The following SLC2A10 variants were observed in gnomAD, a reference collection of about 807,000 sequenced individuals.
SLC2A10 encodes the protein solute carrier family 2 member 10.
A neutral mutation model predicts 32.1 loss-of-function variants in SLC2A10; 25 were observed. The observed-to-expected ratio is 0.78, with a 90% confidence interval of 0.57 to 1.09. The LOEUF is 1.09. SLC2A10 is among the 50% of genes least tolerant of loss of function. SLC2A10 has a pLI of 0.00. For missense variants in SLC2A10, 673 were observed against 686.5 expected, an observed-to-expected ratio of 0.98 and a Z score of 0.22; for synonymous variants, 332 against 309.6, an observed-to-expected ratio of 1.07 and a Z score of -0.76.
chr20:46,711,582 A>G (rs1276781362), intron 1 of SLC2A10, among the ~76,000 whole-genome samples: 1 of 152,180 alleles, frequency 6.6e-6, no homozygotes, highest in East Asian at 1.9e-4. Context: ...TATTCCTGCT[A>G]AATCAACCCA....
At position 46,725,615 on chromosome 20, in the gene SLC2A10, A is replaced by G; in HGVS notation, c.579A>G (p.Ala193=). 6.2e-7 allele frequency: 1 copy of G among 1,614,126 alleles called. No homozygotes were observed. The highest frequency in any genetic ancestry group is 8.5e-7 in the Non-Finnish European group (1 of 1,180,008). The change falls in exon 2 of 5, where the codon GCA becomes GCG. Residue 193 remains alanine, a synonymous_variant. Coordinates refer to ENST00000359271, the MANE Select transcript of SLC2A10 (RefSeq NM_030777.4). ...TCCCTGCTGGTACAGATGAGACTGC[A>G]ACACACAAGGACCTCATCCCACTCC... is the stretch of plus-strand genomic sequence containing the variant. The part of the protein sequence containing the change: ...LFLPAGTDET[A]THKDLIPLQG...
In SLC2A10 at chr20:46,725,918, A is replaced by T; in HGVS notation, c.882A>T (p.Ala294=). The change falls in exon 2 of 5, where the codon GCA becomes GCT. Residue 294 remains alanine (A), a synonymous_variant. Transcript: ENST00000359271. ...TLTAMGLVDR[A]GRRALLLAGC... Reference sequence around the variant, plus strand: ...CCGCCATGGGGCTGGTGGACCGTGCAGGCCGCAGGGCTCTGTTGCTAGCTG... The same window carrying T: ...CCGCCATGGGGCTGGTGGACCGTGCTGGCCGCAGGGCTCTGTTGCTAGCTG... 3.7e-6 allele frequency: 6 copies of T among 1,614,054 alleles called. No homozygotes were observed. Among genetic ancestry groups the T allele is most frequent in the Non-Finnish European group, 5.1e-6 (6 of 1,180,022 alleles).
chr20:46,726,927 G>A lies in SLC2A10; in HGVS notation c.1352G>A (p.Cys451Tyr), dbSNP rs1980002809. ...ATACGAGGAAGAGCCTTCGCCTTCTGCAACAGCTTCAACTGGGCGGCCAAC... is the reference window on the plus strand; with the variant it reads ...ATACGAGGAAGAGCCTTCGCCTTCTACAACAGCTTCAACTGGGCGGCCAAC... ...VEIRGRAFAF[C>Y]NSFNWAANLF... Residue 451 changes from cysteine to tyrosine, a missense_variant, in exon 3 of 5, where the codon TGC becomes TAC. Coordinates refer to ENST00000359271, the MANE Select transcript of SLC2A10 (RefSeq NM_030777.4). The A allele has an allele frequency of 6.2e-7, 1 of 1,614,050 alleles. No individual in the cohort carries two copies. The highest frequency in any genetic ancestry group is 1.3e-5 in the African/African-American group (1 of 74,908).
chr20:46,712,370 A>G (rs2425898), intron 1 of SLC2A10, among the ~76,000 whole-genome samples: 90,094 of 151,920 alleles, frequency 0.59, 28,024 homozygotes, highest in East Asian at 0.99. Context: ...CGGGAGGCCT[A>G]GGACTTGCAG....
Position 46,725,209 on chromosome 20 carries a change from C to T in SLC2A10, c.173C>T (p.Ala58Val), listed in dbSNP as rs141310869. ...EFLVGSLLLG[A>V]LLASLVGGFL... ...CTGGTGGGCAGCCTGCTCCTGGGGG[C>T]TCTCCTCGCCTCCCTGGTTGGTGGC... The change falls in exon 2 of 5, where the codon GCT becomes GTT. Residue 58 changes from alanine to valine, a missense_variant. Transcript: ENST00000359271. The T allele has an allele frequency of 1.4e-5, 23 of 1,614,000 alleles. No homozygotes were observed. Among genetic ancestry groups the T allele is most frequent in the Non-Finnish European group, 1.9e-5 (23 of 1,180,004 alleles).
intron 3 of SLC2A10, among the ~76,000 whole-genome samples, 172 bp from the exon 4 acceptor site, chr20:46,729,181 G>A (rs756701762): frequency 3.9e-5 from 6 of 152,188 alleles, no homozygotes; most frequent in Non-Finnish European, 7.3e-5. Context: ...CGAGATTTCC[G>A]CTTTAAGGTA....
chr20:46,733,958 G>T lies in SLC2A10; in HGVS notation c.*124G>T, dbSNP rs532980823. 4 of 894,464 alleles carry T rather than the reference G, an allele frequency of 4.5e-6. No homozygotes were observed. The highest frequency in any genetic ancestry group is 5.2e-5 in the East Asian group (2 of 38,104). The allele number at this position is 894,464 out of a possible 1,614,324, so 55.4% of individuals were successfully genotyped here. A position where few individuals can be genotyped will look rare whatever the true frequency, so the allele number is the denominator to read the frequency against. Reference sequence around the variant, plus strand: ...TTGGGAGTGGCCCCTGCCCCCAAAGGTGGTCTGCTTTTGCTGGGGTAAAAA... The same window carrying T: ...TTGGGAGTGGCCCCTGCCCCCAAAGTTGGTCTGCTTTTGCTGGGGTAAAAA... On this transcript the variant is annotated 3_prime_UTR_variant, in exon 5 of 5. Coordinates refer to ENST00000359271, the MANE Select transcript of SLC2A10 (RefSeq NM_030777.4).
intron 4 of SLC2A10, among the ~76,000 whole-genome samples, chr20:46,731,011 C>A (rs1980267560): frequency 6.6e-6 from 1 of 152,232 alleles, no homozygotes; most frequent in Non-Finnish European, 1.5e-5. Context: ...CCTCCCCACC[C>A]CAGAATGTTC....
In SLC2A10 at chr20:46,734,831, T is replaced by C. The variant is rs1001138327; in HGVS notation, c.*997T>C. On this transcript the variant is annotated 3_prime_UTR_variant, in exon 5 of 5. Transcript: ENST00000359271. ...GTCTCCAGGATGGTGCAGGATGGCTTTGCGGAAAGGAGATGGGTTTGGAGG... is the reference window on the plus strand; with the variant it reads ...GTCTCCAGGATGGTGCAGGATGGCTCTGCGGAAAGGAGATGGGTTTGGAGG... 1.6e-4 allele frequency: 25 copies of C among 152,788 alleles called. No individual in the cohort carries two copies. The highest frequency in any genetic ancestry group is 5.8e-4 in the African/African-American group (24 of 41,574). 9.5% of individuals were successfully genotyped at this position (152,788 alleles called of 1,614,324 possible).
At chr20:46,711,570 C>T (rs113916699) in intron 1 of SLC2A10, among the ~76,000 whole-genome samples, 80 of 152,334 alleles carry the variant, frequency 5.3e-4, no homozygotes, top group African/African-American at 1.8e-3. Context: ...TCCTGCACCT[C>T]CTATTCCTGC....
chr20:46,720,959 C>A (rs1002978650), intron 1 of SLC2A10, among the ~76,000 whole-genome samples: 1 of 152,134 alleles, frequency 6.6e-6, no homozygotes, highest in African/African-American at 2.4e-5. Context: ...TGAATGGGCT[C>A]AGCTGGGTGG....
chr20:46,720,324 A>AC (rs1336992945), intron 1 of SLC2A10, among the ~76,000 whole-genome samples: 3 of 152,220 alleles, frequency 2.0e-5, no homozygotes, highest in Non-Finnish European at 4.4e-5. Flanking sequence ...ATCTACCAAA[A>AC]ACAAAACAAA....
In SLC2A10 at chr20:46,720,102, G is replaced by A. The variant is rs59122240; in HGVS notation, c.5-4939G>A. Among the ~76,000 whole-genome samples, 1,221 of 152,302 alleles carry A rather than the reference G, an allele frequency of 8.0e-3. 19 individuals are homozygous for A. Among genetic ancestry groups the A allele is most frequent in the African/African-American group, 0.028 (1,157 of 41,556 alleles). On this transcript the variant is annotated intron_variant, in intron 1 of 4. Transcript: ENST00000359271. ...CTGGCTCTGAAAGCAAACAAGGTGG[G>A]TATTATTGTCCCCATTTTACACATG...
At chr20:46,719,436 C>T (rs1157251043) in intron 1 of SLC2A10, among the ~76,000 whole-genome samples, 1 of 152,128 alleles carries the variant, frequency 6.6e-6, no homozygotes, top group Non-Finnish European at 1.5e-5. Context: ...CTCACAGTTC[C>T]ATGTGTCTGG....
rs1174420108 is a variant in SLC2A10 at position 46,719,057 on chromosome 20, C to T, written c.5-5984C>T. Among the ~76,000 whole-genome samples the T allele has an allele frequency of 2.0e-5, 3 of 152,358 alleles. No homozygotes were observed. In the East Asian group the frequency reaches 5.8e-4, roughly 29 times the overall value. On this transcript the variant is annotated intron_variant, in intron 1 of 4. Transcript: ENST00000359271. Reference sequence around the variant, plus strand: ...TTGGCCTCCCAAAGCGATGAGATTACAGGCATGAGCTACCACATTCGGCTT... The same window carrying T: ...TTGGCCTCCCAAAGCGATGAGATTATAGGCATGAGCTACCACATTCGGCTT...
chr20:46,720,291 A>C (rs2123025919), intron 1 of SLC2A10, among the ~76,000 whole-genome samples: 2 of 152,368 alleles, frequency 1.3e-5, no homozygotes, highest in South Asian at 4.1e-4. Flanking sequence ...GAAGGGGAAA[A>C]GAAGCAAATG....
chr20:46,729,654 T>G (rs1980184190), intron 4 of SLC2A10, among the ~76,000 whole-genome samples, 166 bp downstream of exon 4: 2 of 119,256 alleles, frequency 1.7e-5, no homozygotes, highest in South Asian at 5.8e-4. Flanking sequence ...TTTTTTTTTT[T>G]TTTTTGAGAT....
At chr20:46,727,007 T>C (rs887425926) in intron 3 of SLC2A10, 21 bp downstream of exon 3, 2 of 1,613,988 alleles carry the variant, frequency 1.2e-6, no homozygotes, top group African/African-American at 2.7e-5. Context: ...CCCAGACAAG[T>C]CCGTTTTTTT....
At chr20:46,723,257 G>T (rs1050947228) in intron 1 of SLC2A10, among the ~76,000 whole-genome samples, 3 of 152,036 alleles carry the variant, frequency 2.0e-5, no homozygotes, top group Non-Finnish European at 4.4e-5. Flanking sequence ...TGCATTCCAG[G>T]CAAGAGGTAA....
Sources: gnomAD v4.1 joint callset for allele counts (sites outside exome capture counted in the v4.1 genomes callset) on GRCh38, gnomAD v4.1.1 for gene constraint, MANE v1.5 for transcripts, NCBI Gene and HGNC (gene_info 2026-07-23, HGNC 2026-07-21) for gene names.